GAB4: variants seen among roughly 807,000 people sequenced by gnomAD.
GAB4 encodes the protein GRB2 associated binding protein family member 4, also known as GRB2-associated-binding protein 4.
Under a neutral mutation model 51.3 loss-of-function variants are expected in GAB4, and 26 were observed. The observed-to-expected ratio is 0.51, with a 90% CI of 0.37 to 0.70. GAB4 has a LOEUF of 0.70. Among genes scored for constraint, GAB4 ranks in the 30% least tolerant of loss-of-function variants. GAB4 has a pLI of 0.00. For synonymous variants in GAB4, 329 were observed against 291.2 expected (o/e 1.13, Z -1.32); for missense variants, 759 against 734.6 (o/e 1.03, Z -0.38).
At chr22:16,980,279 T>A (rs1412134456) in intron 3 of GAB4, among the ~76,000 whole-genome samples, 9 of 152,060 alleles carry the variant, frequency 5.9e-5, no homozygotes, top group Non-Finnish European at 1.0e-4. Context: ...AGGGCTAATA[T>A]CCAGAATCTA....
intron 3 of GAB4, among the ~76,000 whole-genome samples, 184 bp downstream of exon 3, chr22:16,987,776 C>A (rs1437883968): frequency 6.6e-6 from 1 of 152,030 alleles, no homozygotes; most frequent in Non-Finnish European, 1.5e-5. Context: ...TGTAGCAACA[C>A]AAATAAAACA....
chr22:16,983,863 T>C (rs1261728137), intron 3 of GAB4, among the ~76,000 whole-genome samples: 1 of 152,154 alleles, frequency 6.6e-6, no homozygotes, highest in African/African-American at 2.4e-5. Flanking sequence ...GAAGAAAACA[T>C]TGAGAAAACA....
chr22:16,966,181 G>T lies in GAB4; in HGVS notation c.1207C>A (p.Leu403Ile). Residue 403 changes from leucine (L) to isoleucine (I), a missense_variant, in exon 6 of 10, where the codon CTT (leucine) becomes ATT (isoleucine). Transcript: ENST00000400588. ...FDLLGSPLTE[L>I]SMHQDLSQGH... ...TGGCTGAGGTCTTGGTGCATAGAAA[G>T]CTCTGTGAGTGGGGAGCCAAGCAGG... 6.2e-7 allele frequency: 1 copy of T among 1,614,068 alleles called. No individual in the cohort carries two copies. Among genetic ancestry groups the T allele is most frequent in the Non-Finnish European group, 8.5e-7 (1 of 1,179,966 alleles).
At chr22:16,984,247 A>G (rs2060849310) in intron 3 of GAB4, among the ~76,000 whole-genome samples, 1 of 152,144 alleles carries the variant, frequency 6.6e-6, no homozygotes, top group Admixed American at 6.5e-5. Context: ...TCAAAACCAC[A>G]TGAGATATCA....
In GAB4 at chr22:16,962,226, G is replaced by C. The variant is rs762634714; in HGVS notation, c.*507C>G. ...CTTGCAGGTATCAGCTGCCCTGCTG[G>C]TCTAAGGATCTAATTCCTTTGCTTC... On this transcript the variant is annotated 3_prime_UTR_variant, in exon 10 of 10. Coordinates refer to ENST00000400588, the MANE Select transcript of GAB4 (RefSeq NM_001037814.1). 1 of 152,536 alleles carries C rather than the reference G, an allele frequency of 6.6e-6. No individual in the cohort carries two copies. Among genetic ancestry groups the C allele is most frequent in the African/African-American group, 2.4e-5 (1 of 41,482 alleles). 9.4% of individuals were successfully genotyped at this position (152,536 alleles called of 1,614,324 possible). A position where few individuals can be genotyped will look rare whatever the true frequency, so the allele number is the denominator to read the frequency against.
chr22:16,965,362 C>T lies in GAB4; in HGVS notation c.1289-94G>A, dbSNP rs139569331. The T allele has an allele frequency of 1.6e-5, 14 of 889,786 alleles. No individual in the cohort carries two copies. The African/African-American group carries it at 2.0e-4, about 13-fold the overall frequency. The allele number at this position is 889,786 out of a possible 1,614,324, so 55.1% of individuals were successfully genotyped here. Reference sequence around the variant, plus strand: ...GCCCAGGTGTGCTTAGAAAGGCCCACCCCGTCCACCCAGTCCACCCAGCTG... The same window carrying T: ...GCCCAGGTGTGCTTAGAAAGGCCCATCCCGTCCACCCAGTCCACCCAGCTG... On this transcript the variant is annotated intron_variant, in intron 6 of 9. Coordinates refer to ENST00000400588, the MANE Select transcript of GAB4 (RefSeq NM_001037814.1).
intron 1 of GAB4, among the ~76,000 whole-genome samples, chr22:17,005,894 G>GT (rs1260325327): frequency 6.6e-6 from 1 of 152,124 alleles, no homozygotes; most frequent in African/African-American, 2.4e-5. Flanking sequence ...AGACTTAAAC[G>GT]TAAGACCTAA....
chr22:17,007,443 G>A (rs968884174), intron 1 of GAB4, among the ~76,000 whole-genome samples: 1 of 151,034 alleles, frequency 6.6e-6, no homozygotes, highest in African/African-American at 2.4e-5. Flanking sequence ...GGTGCGAGGT[G>A]CCCGCGTTTT....
intron 1 of GAB4, among the ~76,000 whole-genome samples, chr22:17,003,067 C>A (rs1601293664): frequency 6.6e-6 from 1 of 151,550 alleles, no homozygotes; most frequent in South Asian, 2.1e-4. Context: ...AACCAACAAA[C>A]ATCAAAAACG....
In GAB4 at chr22:16,966,167, T is replaced by C. The variant is rs578016396; in HGVS notation, c.1221A>G (p.Gln407=). ...GGACCTCATGTCCCTGGCTGAGGTC[T>C]TGGTGCATAGAAAGCTCTGTGAGTG... The part of the protein sequence containing the change: ...GSPLTELSMH[Q]DLSQGHEVQL... The change falls in exon 6 of 10, where the codon CAA becomes CAG. Residue 407 remains glutamine (Q), a synonymous_variant. Coordinates refer to ENST00000400588, the MANE Select transcript of GAB4 (RefSeq NM_001037814.1). The C allele has an allele frequency of 1.2e-6, 2 of 1,614,062 alleles. No homozygotes were observed. Among genetic ancestry groups the C allele is most frequent in the African/African-American group, 2.7e-5 (2 of 75,046 alleles).
chr22:16,963,631 GCAGCC>G, intron 9 of GAB4, 89 bp downstream of exon 9: 1 of 841,190 alleles, frequency 1.2e-6, no homozygotes. Context: ...TGGCAGCCCA[GCAGCC>G]CAGTGCTGCC....
In GAB4 at chr22:16,977,260, C is replaced by T. The variant is rs1353410510; in HGVS notation, c.687-7067G>A. The stretch of plus-strand genomic sequence containing the variant: ...TAAAGAGTCAAGACCCATCGGTGTG[C>T]TGTATTCAGGAGACCCATCTCACGT... On this transcript the variant is annotated intron_variant, in intron 3 of 9. Transcript: ENST00000400588. Among the ~76,000 whole-genome samples the T allele has an allele frequency of 2.0e-5, 3 of 151,722 alleles. No homozygotes were observed. In the East Asian group the frequency reaches 5.8e-4, roughly 29 times the overall value.
chr22:16,962,856 C>T lies in GAB4; in HGVS notation c.1602G>A (p.Thr534=), dbSNP rs913541210. ...QPSKPSIGSV[T]SGKKVDYVQV... ...GGACATAGTCCACCTTCTTGCCGGA[C>T]GTGACAGAGCCTATGGATGGCTGAG... Residue 534 remains threonine (T), a synonymous_variant, in exon 10 of 10, where the codon ACG becomes ACA. Coordinates refer to ENST00000400588, the MANE Select transcript of GAB4 (RefSeq NM_001037814.1). 3 of 1,612,808 alleles carry T rather than the reference C, an allele frequency of 1.9e-6. No homozygotes were observed. The highest frequency in any genetic ancestry group is 2.5e-6 in the Non-Finnish European group (3 of 1,179,396).
chr22:16,979,123 A>C (rs1255252100), intron 3 of GAB4, among the ~76,000 whole-genome samples: 5 of 152,332 alleles, frequency 3.3e-5, no homozygotes, highest in African/African-American at 1.2e-4. Flanking sequence ...AACTGGCACA[A>C]GACAAGGATG....
At position 16,963,825 on chromosome 22, in the gene GAB4, G is replaced by A. The variant is rs200669352; in HGVS notation, c.1481C>T (p.Pro494Leu). The A allele has an allele frequency of 2.4e-4, 381 of 1,613,180 alleles. No homozygotes were observed. Among genetic ancestry groups the A allele is most frequent in the Non-Finnish European group, 3.0e-4 (349 of 1,179,550 alleles). The change falls in exon 9 of 10, where the codon CCG becomes CTG. Residue 494 changes from proline to leucine, a missense_variant. By Grantham distance (98) the Pro-to-Leu change is moderately conservative (BLOSUM62 -3). Transcript: ENST00000400588. ...DSGERYLFPNPASAFPVSGGT... is the reference protein window; with the variant it reads ...DSGERYLFPNLASAFPVSGGT... ...ACCGGAAACAGGAAATGCAGATGCCGGGTTCTGCTGTCACAAGGAGGAAAA... is the reference window on the plus strand; with the variant it reads ...ACCGGAAACAGGAAATGCAGATGCCAGGTTCTGCTGTCACAAGGAGGAAAA...
At chr22:16,972,362 G>T (rs1290348812) in intron 3 of GAB4, among the ~76,000 whole-genome samples, 1 of 152,214 alleles carries the variant, frequency 6.6e-6, no homozygotes, top group Non-Finnish European at 1.5e-5. Context: ...TGCAGCAGCA[G>T]GCCAGACAAA....
chr22:16,998,900 C>T (rs536214219), intron 1 of GAB4, among the ~76,000 whole-genome samples: 29 of 152,192 alleles, frequency 1.9e-4, no homozygotes, highest in African/African-American at 6.7e-4. Flanking sequence ...GAGATAATCA[C>T]GTGGTTTTTG....
chr22:16,969,681 C>G, intron 4 of GAB4: 1 of 649,686 alleles, frequency 1.5e-6, no homozygotes. Context: ...AGCAACAGAC[C>G]ACCTGCTACT....
Position 16,962,619 on chromosome 22 carries a change from C to G in GAB4, c.*114G>C. On this transcript the variant is annotated 3_prime_UTR_variant, in exon 10 of 10. Transcript: ENST00000400588. Reference sequence around the variant, plus strand: ...AAGCAGGCAAAGGATGTATATTGATCAGGCCTCTGCTCTCTATGTAAGGGA... The same window carrying G: ...AAGCAGGCAAAGGATGTATATTGATGAGGCCTCTGCTCTCTATGTAAGGGA... The G allele has an allele frequency of 1.0e-6, 1 of 967,358 alleles. No homozygotes were observed. Among genetic ancestry groups the G allele is most frequent in the Non-Finnish European group, 1.5e-6 (1 of 686,114 alleles). 59.9% of individuals were successfully genotyped at this position (967,358 alleles called of 1,614,324 possible).
Sources: allele counts gnomAD v4.1 joint callset (sites outside exome capture counted in the v4.1 genomes callset), GRCh38; gene constraint gnomAD v4.1.1; transcripts MANE v1.5; gene names NCBI Gene and HGNC (gene_info 2026-07-23, HGNC 2026-07-21).